The following PEX14 variants were observed in gnomAD, a reference collection of about 807,000 sequenced individuals.
The protein encoded by PEX14 is peroxisomal membrane protein PEX14.
A neutral mutation model predicts 49.5 loss-of-function variants in PEX14; 15 were observed. The ratio of observed to expected loss-of-function variants is 0.30; its 90% confidence interval spans 0.20 to 0.47. The LOEUF (loss-of-function observed/expected upper bound fraction) is 0.47. Ranked by LOEUF, PEX14 falls within the 20% of genes least tolerant of loss-of-function variation. The pLI is 1.00. For missense variants in PEX14, 398 were observed against 494.8 expected, an observed-to-expected ratio of 0.80 and a Z score of 1.86; for synonymous variants, 210 against 212.7, an observed-to-expected ratio of 0.99 and a Z score of 0.11.
intron 3 of PEX14, among the ~76,000 whole-genome samples, chr1:10,548,997 G>A (rs761019226): frequency 6.6e-4 from 101 of 152,200 alleles, no homozygotes; most frequent in Non-Finnish European, 1.0e-3. Context: ...TAATCTTTCT[G>A]TAATTAGATT....
chr1:10,556,838 G>A (rs1215240045), intron 3 of PEX14, among the ~76,000 whole-genome samples: 1 of 152,174 alleles, frequency 6.6e-6, no homozygotes, highest in East Asian at 1.9e-4. Flanking sequence ...GGAGAGTATG[G>A]TAATGGCACT....
chr1:10,594,795 G>A (rs143602907), intron 3 of PEX14, among the ~76,000 whole-genome samples: 14 of 138,224 alleles, frequency 1.0e-4, no homozygotes, highest in Middle Eastern at 3.5e-3. Context: ...GGTCTGAGTC[G>A]TGGGAAAGGA....
At chr1:10,608,662 C>CA (rs1405032420) in intron 4 of PEX14, among the ~76,000 whole-genome samples, 1 of 37,934 alleles carries the variant, frequency 2.6e-5, no homozygotes, top group South Asian at 8.4e-4. Flanking sequence ...GACTCCGTCT[C>CA]AAAAAAAAAA....
chr1:10,624,209 C>CG (rs1641678435), intron 6 of PEX14, 131 bp from the exon 7 acceptor site: 2 of 764,196 alleles, frequency 2.6e-6, no homozygotes, highest in South Asian at 2.8e-5. Context: ...AGATGGATTG[C>CG]GGGGGCTGGG....
intron 6 of PEX14, 100 bp from the exon 7 acceptor site, chr1:10,624,240 A>G: frequency 2.5e-6 from 2 of 811,494 alleles, no homozygotes; most frequent in Non-Finnish European, 4.5e-6. Context: ...GATAAATTAG[A>G]TGGAGCGGGA....
intron 3 of PEX14, among the ~76,000 whole-genome samples, chr1:10,553,568 T>C (rs1639395859): frequency 6.6e-6 from 1 of 152,244 alleles, no homozygotes; most frequent in Non-Finnish European, 1.5e-5. Context: ...ATGGCATTTA[T>C]GAAGCAAGTG....
chr1:10,476,995 T>G (rs1489591122), intron 1 of PEX14, among the ~76,000 whole-genome samples: 3 of 152,136 alleles, frequency 2.0e-5, no homozygotes, highest in Non-Finnish European at 4.4e-5. Context: ...CTGCTTCTCC[T>G]TTGCCCTCCT....
chr1:10,572,981 A>T (rs1340184485), intron 3 of PEX14, among the ~76,000 whole-genome samples: 2 of 152,246 alleles, frequency 1.3e-5, no homozygotes, highest in Non-Finnish European at 2.9e-5. Flanking sequence ...AAAGCTATAC[A>T]GCATGTTACT....
chr1:10,477,171 C>T (rs1284619984), intron 1 of PEX14, among the ~76,000 whole-genome samples: 6 of 151,350 alleles, frequency 4.0e-5, no homozygotes, highest in East Asian at 3.9e-4. Flanking sequence ...CCTGGGTTCA[C>T]GCCATTCTCC....
rs200226330 is a variant in PEX14, at chr1:10,553,977, A to G, written c.169+17680A>G. Among the ~76,000 whole-genome samples, 637 of 152,078 alleles carry G rather than the reference A, an allele frequency of 4.2e-3. 4 individuals carry two copies. Among genetic ancestry groups the G allele is most frequent in the East Asian group, 8.7e-3 (45 of 5,174 alleles). On this transcript the variant is annotated intron_variant, in intron 3 of 8. Transcript: ENST00000356607. ...TCTTTGTGGTACCTTTACTCTTACA[A>G]ATCAGTGGAGTCAGAAGTTTACAAA...
rs1641814537 is a variant in PEX14 at position 10,507,889 on chromosome 1, TAAGAG to T, written c.84+12571_84+12575del. 7.2e-5 allele frequency among the ~76,000 whole-genome samples: 11 copies of T among 152,360 alleles called. No homozygotes were observed. In the South Asian group the frequency reaches 2.1e-3, roughly 29 times the overall value. ...CAGCAAAGTTCACCTGCTTTGAAGA[TAAGAG>T]AATAGAGATGTCTTTAAGAGAGTAA... On this transcript the variant is annotated intron_variant, in intron 2 of 8. Coordinates refer to ENST00000356607, the MANE Select transcript of PEX14 (RefSeq NM_004565.3).
At chr1:10,520,360 T>A (rs1236654735) in intron 2 of PEX14, among the ~76,000 whole-genome samples, 1 of 151,954 alleles carries the variant, frequency 6.6e-6, no homozygotes, top group Non-Finnish European at 1.5e-5. Flanking sequence ...GATTTCACTG[T>A]GTTGTCTAGG....
chr1:10,596,663 C>T (rs1224869498), intron 3 of PEX14, among the ~76,000 whole-genome samples: 1 of 152,182 alleles, frequency 6.6e-6, no homozygotes, highest in African/African-American at 2.4e-5. Flanking sequence ...GGCATCGTTT[C>T]TACCCTCCTT....
At chr1:10,603,347 A>T (rs1641039044) in intron 4 of PEX14, among the ~76,000 whole-genome samples, 1 of 152,222 alleles carries the variant, frequency 6.6e-6, no homozygotes, top group Non-Finnish European at 1.5e-5. Flanking sequence ...AGATGTTGTG[A>T]TTTAATGCCA....
chr1:10,521,338 A>G (rs1638288270), intron 2 of PEX14, among the ~76,000 whole-genome samples: 1 of 152,120 alleles, frequency 6.6e-6, no homozygotes, highest in Non-Finnish European at 1.5e-5. Context: ...AATACTGACT[A>G]GGGAAGATGG....
chr1:10,587,325 C>T (rs1640522382), intron 3 of PEX14, among the ~76,000 whole-genome samples: 2 of 152,070 alleles, frequency 1.3e-5, no homozygotes, highest in Admixed American at 1.3e-4. Flanking sequence ...GCTGGTGGCA[C>T]ACTCCTGTAA....
chr1:10,571,701 C>T (rs374352971), intron 3 of PEX14, among the ~76,000 whole-genome samples: 62 of 151,988 alleles, frequency 4.1e-4, no homozygotes, highest in African/African-American at 1.2e-3. Context: ...CCCAGCTACT[C>T]GAGAGGCTGA....
At position 10,512,084 on chromosome 1, in the gene PEX14, C is replaced by T. The variant is rs1374873011; in HGVS notation, c.84+16763C>T. On this transcript the variant is annotated intron_variant, in intron 2 of 8. Coordinates refer to ENST00000356607, the MANE Select transcript of PEX14 (RefSeq NM_004565.3). This position sits in a 1 kb window ranked among gnomAD's most constrained non-coding sequence, Gnocchi z 4.6. Reference sequence around the variant, plus strand: ...ACGCCATTCTCCTGCCTCAGCTTCCCGAATAACTGGGACTACAGGCGCCTG... The same window carrying T: ...ACGCCATTCTCCTGCCTCAGCTTCCTGAATAACTGGGACTACAGGCGCCTG... Among the ~76,000 whole-genome samples the T allele has an allele frequency of 6.6e-6, 1 of 152,100 alleles. No homozygotes were observed. The highest frequency in any genetic ancestry group is 1.5e-5 in the Non-Finnish European group (1 of 68,008).
intron 1 of PEX14, among the ~76,000 whole-genome samples, chr1:10,490,143 C>A (rs1354789092): frequency 2.0e-5 from 3 of 152,186 alleles, no homozygotes; most frequent in African/African-American, 7.2e-5. Flanking sequence ...GGTTGAGCAG[C>A]GTGCCCCCAA....
Sources: allele counts gnomAD v4.1 joint callset (sites outside exome capture counted in the v4.1 genomes callset), GRCh38; gene constraint gnomAD v4.1.1; non-coding constraint Gnocchi (gnomAD v3.1); transcripts MANE v1.5; gene names NCBI Gene and HGNC (gene_info 2026-07-23, HGNC 2026-07-21).